ZNF439: variants seen among roughly 807,000 people sequenced by gnomAD.
ZNF439 encodes the protein zinc finger protein 439.
A neutral mutation model predicts 47.3 loss-of-function variants in ZNF439; 40 were observed. That is an observed-to-expected ratio of 0.85 (90% CI 0.66 to 1.10). The LOEUF is 1.10. ZNF439 is among the 50% of genes least tolerant of loss of function. The pLI, the probability that ZNF439 is intolerant of heterozygous loss-of-function variation, is 0.00. For missense variants in ZNF439, 556 were observed against 601.1 expected (o/e 0.93, Z 0.78); for synonymous variants, 171 against 198.8 (o/e 0.86, Z 1.18).
chr19:11,868,793 GAC>G lies in ZNF439; in HGVS notation c.*231_*232del. Reference sequence around the variant, plus strand: ...TCAAGAACCTTTCAATTTATGAAAGGACACACACTGGAGAGAAACCCTATGAA... The same window carrying G: ...TCAAGAACCTTTCAATTTATGAAAGGACACACTGGAGAGAAACCCTATGAA... On this transcript the variant is annotated 3_prime_UTR_variant, in exon 4 of 4. Transcript: ENST00000682736. 3.2e-6 allele frequency: 2 copies of G among 621,408 alleles called. No homozygotes were observed. Among genetic ancestry groups the G allele is most frequent in the South Asian group, 1.9e-5 (1 of 51,572 alleles). The allele number at this position is 621,408 out of a possible 1,614,324, so 38.5% of individuals were successfully genotyped here.
At position 11,848,928 on chromosome 19, in the gene ZNF439, AT is replaced by A. The variant is rs1976148038; in HGVS notation, c.62del (p.Met21ArgfsTer11). 3.8e-6 allele frequency: 6 copies of A among 1,565,866 alleles called. No homozygotes were observed. In the South Asian group the frequency reaches 6.6e-5, roughly 17 times the overall value. ...EDPGTSESRE[M>X]DPVAFKDVAV... ...CCCCGGTACATCTGAAAGCCGGGAA[AT>A]GGTGCGTGTGCTGGCCGGGAGTGGT... On this transcript the variant is annotated frameshift_variant and splice_region_variant, in exon 1 of 4. Coordinates refer to ENST00000682736, the MANE Select transcript of ZNF439 (RefSeq NM_001348719.2). LOFTEE classifies it high-confidence loss of function.
intron 1 of ZNF439, chr19:11,856,401 G>A (rs1224941952): frequency 6.6e-6 from 1 of 152,172 alleles, no homozygotes; most frequent in Non-Finnish European, 1.5e-5. Context: ...GTATAAGCAG[G>A]TCCATTGTCC....
chr19:11,866,121 C>A (rs1976673582), intron 1 of ZNF439, 84 bp from the exon 2 acceptor site: 1 of 1,592,142 alleles, frequency 6.3e-7, no homozygotes, highest in African/African-American at 1.4e-5. Flanking sequence ...TCCACGGCAT[C>A]CTGAGAACTT....
intron 1 of ZNF439, among the ~76,000 whole-genome samples, chr19:11,860,809 A>G (rs1324684270): frequency 2.0e-5 from 3 of 152,198 alleles, no homozygotes; most frequent in East Asian, 1.9e-4. Context: ...ATGTCCCAGT[A>G]GATAACCTCA....
chr19:11,865,422 T>A (rs1976646994), intron 1 of ZNF439, among the ~76,000 whole-genome samples: 1 of 149,650 alleles, frequency 6.7e-6, no homozygotes, highest in South Asian at 2.2e-4. Flanking sequence ...GTGTCTCCCC[T>A]CCTCTCTGCT....
intron 1 of ZNF439, among the ~76,000 whole-genome samples, chr19:11,855,638 G>C (rs548120576): frequency 6.6e-6 from 1 of 152,150 alleles, no homozygotes; most frequent in Admixed American, 6.6e-5. Flanking sequence ...ATTTCAGAAA[G>C]AGCGTCACTC....
chr19:11,863,483 T>A, intron 1 of ZNF439, among the ~76,000 whole-genome samples: 1 of 152,140 alleles, frequency 6.6e-6, no homozygotes, highest in Non-Finnish European at 1.5e-5. Flanking sequence ...ATTAGTTGGC[T>A]TTTTTCTTAT....
intron 1 of ZNF439, among the ~76,000 whole-genome samples, chr19:11,864,992 C>G (rs1025072903): frequency 2.0e-5 from 3 of 152,132 alleles, no homozygotes; most frequent in African/African-American, 7.2e-5. Context: ...GTTGGTCACA[C>G]TGGTCTTGAA....
intron 1 of ZNF439, among the ~76,000 whole-genome samples, chr19:11,862,405 G>A (rs981850538): frequency 2.0e-5 from 3 of 151,796 alleles, no homozygotes; most frequent in Non-Finnish European, 4.4e-5. Flanking sequence ...GATACAGTGT[G>A]AGAACTCCTC....
rs1976722454 is a variant in ZNF439, at chr19:11,867,533, C to G, written c.479C>G (p.Pro160Arg). 7 of 1,613,962 alleles carry G rather than the reference C, an allele frequency of 4.3e-6. No homozygotes were observed. In the African/African-American group the frequency reaches 8.0e-5, roughly 18 times the overall value. The change falls in exon 4 of 4, where the codon CCA (proline) becomes CGA (arginine). Residue 160 changes from proline (P) to arginine (R), a missense_variant. Coordinates refer to ENST00000682736, the MANE Select transcript of ZNF439 (RefSeq NM_001348719.2). The part of the protein sequence containing the change: ...HKACECQEYG[P>R]KPWKSQQPKK... ...GCATGTGAATGTCAGGAATATGGAC[C>G]AAAGCCATGGAAGAGTCAACAACCT...
rs142429367 is a variant in ZNF439, at chr19:11,862,916, T to G, written c.64-3289T>G. On this transcript the variant is annotated intron_variant, in intron 1 of 3. Coordinates refer to ENST00000682736, the MANE Select transcript of ZNF439 (RefSeq NM_001348719.2). ...GGCATGTACCGCCATGCCCAGCCAA[T>G]TTTTGTATTATTAGTAGAGATGAGA... Among the ~76,000 whole-genome samples the G allele has an allele frequency of 1.8e-4, 28 of 151,814 alleles. No individual in the cohort carries two copies. The East Asian group carries it at 4.3e-3, about 23-fold the overall frequency.
chr19:11,859,465 C>T (rs1195404881), intron 1 of ZNF439, among the ~76,000 whole-genome samples: 7 of 152,290 alleles, frequency 4.6e-5, no homozygotes, highest in Non-Finnish European at 1.5e-5. Flanking sequence ...GTTAGGTATG[C>T]GCTAGCAGAC....
intron 3 of ZNF439, 34 bp from the exon 4 acceptor site, chr19:11,867,271 CA>C: frequency 6.3e-7 from 1 of 1,587,070 alleles, no homozygotes; most frequent in Non-Finnish European, 8.5e-7. Context: ...TACTTATAAA[CA>C]AACTCTTCAT....
In ZNF439 at chr19:11,868,170, G is replaced by T; in HGVS notation, c.1116G>T (p.Lys372Asn). 1 of 1,613,972 alleles carries T rather than the reference G, an allele frequency of 6.2e-7. No homozygotes were observed. The highest frequency in any genetic ancestry group is 1.1e-5 in the South Asian group (1 of 91,076). Residue 372 changes from lysine to asparagine, a missense_variant, in exon 4 of 4, where the codon AAG becomes AAT. Physicochemically the swap from Lys to Asn is moderately conservative, Grantham distance 94. Transcript: ENST00000682736. ...GTGGGAAAGGCTTTTATTCTGCCAA[G>T]TCATTTCAAAGACATGAAAAAACTC... is the stretch of plus-strand genomic sequence containing the variant. The part of the protein sequence containing the change: ...KTCGKGFYSA[K>N]SFQRHEKTHS...
chr19:11,861,684 G>C (rs279211), intron 1 of ZNF439, among the ~76,000 whole-genome samples: 1 of 152,104 alleles, frequency 6.6e-6, no homozygotes, highest in Non-Finnish European at 1.5e-5. Context: ...CCCAAAAGAA[G>C]AGGAAAGGCC....
At chr19:11,866,064 A>G in intron 1 of ZNF439, 141 bp from the exon 2 acceptor site, 2 of 1,523,316 alleles carry the variant, frequency 1.3e-6, no homozygotes, top group Non-Finnish European at 1.8e-6. Flanking sequence ...AAGTATAGAC[A>G]GAGAGAAAGG....
intron 1 of ZNF439, among the ~76,000 whole-genome samples, chr19:11,855,311 G>A (rs545287364): frequency 9.2e-5 from 14 of 152,190 alleles, no homozygotes; most frequent in South Asian, 2.1e-4. Context: ...GTCCATGGAG[G>A]GGGGTAGGAA....
chr19:11,860,383 C>T (rs923741831), intron 1 of ZNF439, among the ~76,000 whole-genome samples: 1 of 152,166 alleles, frequency 6.6e-6, no homozygotes, highest in Non-Finnish European at 1.5e-5. Flanking sequence ...AGAGCACCTA[C>T]CTTATATTGC....
At chr19:11,866,693 G>A in intron 3 of ZNF439, 96 bp downstream of exon 3, 1 of 1,294,720 alleles carries the variant, frequency 7.7e-7, no homozygotes, top group Non-Finnish European at 1.1e-6. Flanking sequence ...CTAAGTCCAG[G>A]ATCAAGTTCA....
Sources: allele counts gnomAD v4.1 joint callset (sites outside exome capture counted in the v4.1 genomes callset), GRCh38; gene constraint gnomAD v4.1.1; transcripts MANE v1.5; gene names NCBI Gene and HGNC (gene_info 2026-07-23, HGNC 2026-07-21).